Variants in GMDS observed in about 807,000 individuals in gnomAD.
The protein encoded by GMDS is GDP-mannose 4,6-dehydratase, also known as GDP-mannose 4,6 dehydratase.
GMDS carries 20 observed loss-of-function variants against 49.9 expected under a neutral mutation model. That is an observed-to-expected ratio of 0.40 (90% CI 0.28 to 0.58). The LOEUF (loss-of-function observed/expected upper bound fraction) is 0.58, where lower values mean the gene tolerates loss of function less well. GMDS is among the 20% of genes least tolerant of loss of function. The pLI is 0.42. For missense variants in GMDS, 362 were observed against 481.4 expected, an observed-to-expected ratio of 0.75 and a Z score of 2.32; for synonymous variants, 177 against 178.6, an observed-to-expected ratio of 0.99 and a Z score of 0.07.
At chr6:2,118,840 A>G (rs1774989272) in intron 2 of GMDS, among the ~76,000 whole-genome samples, 1 of 152,224 alleles carries the variant, frequency 6.6e-6, no homozygotes, top group Non-Finnish European at 1.5e-5. Context: ...TTGGCTATAC[A>G]TATCCACTTC....
At chr6:1,662,622 G>A (rs1199726986) in intron 9 of GMDS, among the ~76,000 whole-genome samples, 2 of 152,130 alleles carry the variant, frequency 1.3e-5, no homozygotes, top group Non-Finnish European at 2.9e-5. Flanking sequence ...CCAAGGAGAA[G>A]CAGGCAAGTG....
intron 4 of GMDS, among the ~76,000 whole-genome samples, chr6:2,101,994 T>TA (rs528665949): frequency 1.5e-4 from 23 of 152,248 alleles, no homozygotes; most frequent in African/African-American, 5.3e-4. Context: ...GAATGCTACT[T>TA]AATTAACCAT....
Position 2,191,205 on chromosome 6 carries a change from C to A in GMDS, c.102+54116G>T, listed in dbSNP as rs922869140. On this transcript the variant is annotated intron_variant, in intron 1 of 10. Coordinates refer to ENST00000380815, the MANE Select transcript of GMDS (RefSeq NM_001500.4). This position sits in a 1 kb window ranked among gnomAD's most constrained non-coding sequence, Gnocchi z 4.6. ...GGTCCGCCCCGCATGGGGTGACCAC[C>A]GGGCCTGACACTCCCGACCCGCTAT... Among the ~76,000 whole-genome samples the A allele has an allele frequency of 6.6e-6, 1 of 152,116 alleles. No individual in the cohort carries two copies. Among genetic ancestry groups the A allele is most frequent in the Non-Finnish European group, 1.5e-5 (1 of 67,994 alleles).
At chr6:1,647,426 C>T (rs1763521038) in intron 9 of GMDS, among the ~76,000 whole-genome samples, 1 of 152,106 alleles carries the variant, frequency 6.6e-6, no homozygotes, top group Admixed American at 6.5e-5. Context: ...AGAGTGTCCC[C>T]AGCAGGCTGA....
rs1029163501 is a variant in GMDS, at chr6:2,184,248, T to C, written c.103-59517A>G. On this transcript the variant is annotated intron_variant, in intron 1 of 10. Coordinates refer to ENST00000380815, the MANE Select transcript of GMDS (RefSeq NM_001500.4). Reference sequence around the variant, plus strand: ...TTAATAGGTATATTTTCTTTCACTATTGGCTCCCTAAAATCCATATGCAGC... The same window carrying C: ...TTAATAGGTATATTTTCTTTCACTACTGGCTCCCTAAAATCCATATGCAGC... 5.3e-5 allele frequency among the ~76,000 whole-genome samples: 8 copies of C among 152,210 alleles called. No homozygotes were observed. The South Asian group carries it at 6.2e-4, about 12-fold the overall frequency.
chr6:1,827,478 C>T (rs1292972376), intron 7 of GMDS, among the ~76,000 whole-genome samples: 4 of 149,084 alleles, frequency 2.7e-5, no homozygotes, highest in African/African-American at 7.5e-5. Flanking sequence ...TATATACACA[C>T]GTTTTGGAAA....
intron 9 of GMDS, among the ~76,000 whole-genome samples, chr6:1,641,923 C>T (rs1238110096): frequency 6.6e-6 from 1 of 152,166 alleles, no homozygotes; most frequent in Non-Finnish European, 1.5e-5. Context: ...CTTCTTTTGT[C>T]CCAAACAGTG....
intron 4 of GMDS, among the ~76,000 whole-genome samples, chr6:1,991,527 T>A (rs756027770): frequency 1.5e-4 from 23 of 152,160 alleles, no homozygotes; most frequent in Non-Finnish European, 2.8e-4. Flanking sequence ...GACTGCCAAG[T>A]CCAATACCCT....
chr6:1,755,010 A>G (rs556598129), intron 7 of GMDS, among the ~76,000 whole-genome samples: 1 of 152,342 alleles, frequency 6.6e-6, no homozygotes, highest in South Asian at 2.1e-4. Context: ...TCTTTTCAAC[A>G]TAGTGTTGGA....
At chr6:1,763,714 A>G (rs1376005837) in intron 7 of GMDS, among the ~76,000 whole-genome samples, 1 of 152,244 alleles carries the variant, frequency 6.6e-6, no homozygotes, top group African/African-American at 2.4e-5. Context: ...GGGACATCCC[A>G]GTCATCATGG....
intron 4 of GMDS, among the ~76,000 whole-genome samples, chr6:2,048,582 T>C (rs1284797348): frequency 1.3e-5 from 2 of 152,216 alleles, no homozygotes; most frequent in Non-Finnish European, 2.9e-5. Flanking sequence ...CACATATGCA[T>C]CTGCTGAACT....
chr6:2,152,143 T>C (rs1435355446), intron 1 of GMDS, among the ~76,000 whole-genome samples: 1 of 152,184 alleles, frequency 6.6e-6, no homozygotes, highest in African/African-American at 2.4e-5. Context: ...CATTTTTTAG[T>C]TCCTTATACT....
At chr6:2,188,849 C>T (rs1298359333) in intron 1 of GMDS, among the ~76,000 whole-genome samples, 2 of 152,110 alleles carry the variant, frequency 1.3e-5, no homozygotes, top group East Asian at 1.9e-4. Flanking sequence ...GAAGAGGCTG[C>T]CATACCCAGA....
intron 3 of GMDS, among the ~76,000 whole-genome samples, chr6:2,116,840 T>C (rs1385950362): frequency 6.6e-6 from 1 of 152,204 alleles, no homozygotes; most frequent in Non-Finnish European, 1.5e-5. Context: ...AGAAAACTCA[T>C]AACCTCTCTG....
Position 1,766,907 on chromosome 6 carries a change from A to G in GMDS, c.772-24321T>C, listed in dbSNP as rs938426276. ...CCAGCTCAGCAATCTGGCTTAAAGG[A>G]GCACCGGGTAAGGGTTCTTTATTTC... On this transcript the variant is annotated intron_variant, in intron 7 of 10. Transcript: ENST00000380815. This position sits in a 1 kb window ranked among gnomAD's most constrained non-coding sequence, Gnocchi z 4.5. Among the ~76,000 whole-genome samples, 1 of 152,216 alleles carries G rather than the reference A, an allele frequency of 6.6e-6. No homozygotes were observed. The highest frequency in any genetic ancestry group is 2.4e-5 in the African/African-American group (1 of 41,448).
chr6:1,799,239 C>G (rs527537959), intron 7 of GMDS, among the ~76,000 whole-genome samples: 152 of 150,924 alleles, frequency 1.0e-3, no homozygotes, highest in Non-Finnish European at 1.9e-3. Flanking sequence ...GCAAAGAGTC[C>G]CCCGCTCCCT....
intron 9 of GMDS, among the ~76,000 whole-genome samples, chr6:1,658,478 C>T (rs1206412627): frequency 2.0e-5 from 3 of 152,250 alleles, no homozygotes; most frequent in African/African-American, 4.8e-5. Flanking sequence ...TCACAGGCAT[C>T]CTCCTGGACA....
intron 7 of GMDS, among the ~76,000 whole-genome samples, chr6:1,846,087 T>C (rs1344410013): frequency 1.3e-5 from 2 of 149,968 alleles, no homozygotes; most frequent in East Asian, 1.9e-4. Context: ...TTTCTTTTTT[T>C]TTTTTTTTTT....
chr6:1,913,366 G>C (rs1473583249), intron 7 of GMDS, among the ~76,000 whole-genome samples: 1 of 130,834 alleles, frequency 7.6e-6, no homozygotes, highest in Non-Finnish European at 1.5e-5. Context: ...GGGCGACAGA[G>C]CGAGACTCCG....
Sources: allele counts gnomAD v4.1 joint callset (sites outside exome capture counted in the v4.1 genomes callset), GRCh38; gene constraint gnomAD v4.1.1; non-coding constraint Gnocchi (gnomAD v3.1); transcripts MANE v1.5; gene names NCBI Gene and HGNC (gene_info 2026-07-23, HGNC 2026-07-21).